CNTNAP2: variants seen among roughly 807,000 people sequenced by gnomAD.
The protein encoded by CNTNAP2 is contactin associated protein 2, also known as contactin-associated protein-like 2.
CNTNAP2 carries 98 observed loss-of-function variants against 155.2 expected under a neutral mutation model. The observed-to-expected ratio is 0.63, with a 90% CI of 0.54 to 0.75. CNTNAP2 has a LOEUF of 0.75. CNTNAP2 is among the 30% of genes least tolerant of loss of function. CNTNAP2 has a pLI of 0.00. For missense variants in CNTNAP2, 1,727 were observed against 1,688.1 expected (o/e 1.02, Z -0.40); for synonymous variants, 651 against 631.2 (o/e 1.03, Z -0.47).
intron 8 of CNTNAP2, among the ~76,000 whole-genome samples, chr7:147,225,742 A>AAGGAAG (rs1803506854): frequency 9.6e-6 from 1 of 103,788 alleles, no homozygotes; most frequent in South Asian, 4.0e-4. Flanking sequence ...TAGGAAGGAA[A>AAGGAAG]GAAGGAAGGA....
At chr7:146,397,924 A>AGT (rs1795656005) in intron 1 of CNTNAP2, among the ~76,000 whole-genome samples, 1 of 145,880 alleles carries the variant, frequency 6.9e-6, no homozygotes, top group Non-Finnish European at 1.5e-5. Flanking sequence ...TACAGGCTGG[A>AGT]GTGCAGTGGT....
chr7:147,399,769 G>A (rs2116464078), intron 10 of CNTNAP2, among the ~76,000 whole-genome samples: 1 of 152,230 alleles, frequency 6.6e-6, no homozygotes, highest in African/African-American at 2.4e-5. Context: ...AATCCCTTTT[G>A]TTTAACTCTT....
Position 146,627,485 on chromosome 7 carries a change from T to C in CNTNAP2, c.98-146786T>C, listed in dbSNP as rs528965406. Among the ~76,000 whole-genome samples, 7 of 152,210 alleles carry C rather than the reference T, an allele frequency of 4.6e-5. No homozygotes were observed. The South Asian group carries it at 1.5e-3, about 32-fold the overall frequency. On this transcript the variant is annotated intron_variant, in intron 1 of 23. Coordinates refer to ENST00000361727, the MANE Select transcript of CNTNAP2 (RefSeq NM_014141.6). ...GTCAGCATTAAAAGAATGAGTAAAA[T>C]CCCAAATCAAAGTTTAGAATATACT...
intron 1 of CNTNAP2, among the ~76,000 whole-genome samples, chr7:146,644,075 G>T (rs1272023067): frequency 6.6e-6 from 1 of 152,154 alleles, no homozygotes; most frequent in Non-Finnish European, 1.5e-5. Context: ...AAACAATGGG[G>T]TTTTCTAGAT....
At chr7:146,564,621 A>G (rs1798329742) in intron 1 of CNTNAP2, among the ~76,000 whole-genome samples, 1 of 149,508 alleles carries the variant, frequency 6.7e-6, no homozygotes, top group Non-Finnish European at 1.5e-5. Context: ...CATATTATTT[A>G]AAAATTAAAA....
At chr7:147,891,942 A>G (rs563940208) in intron 13 of CNTNAP2, among the ~76,000 whole-genome samples, 41 of 152,324 alleles carry the variant, frequency 2.7e-4, no homozygotes, top group African/African-American at 8.4e-4. Context: ...AAACCCAACC[A>G]TATGTATGAA....
chr7:146,934,470 G>C (rs916299675), intron 3 of CNTNAP2, among the ~76,000 whole-genome samples: 2 of 132,252 alleles, frequency 1.5e-5, no homozygotes, highest in Non-Finnish European at 3.2e-5. Flanking sequence ...AGGGGGGAGG[G>C]AGAGCAATAG....
intron 1 of CNTNAP2, among the ~76,000 whole-genome samples, chr7:146,628,938 A>T (rs1799465733): frequency 6.6e-6 from 1 of 152,180 alleles, no homozygotes; most frequent in South Asian, 2.1e-4. Context: ...AACTTATTGT[A>T]AAGAAGTAAG....
intron 15 of CNTNAP2, among the ~76,000 whole-genome samples, chr7:148,017,728 T>G (rs1386944609): frequency 1.3e-5 from 2 of 152,192 alleles, no homozygotes; most frequent in African/African-American, 4.8e-5. Context: ...TAACAAGAAA[T>G]GCCCATCTAT....
At chr7:146,928,366 TG>T (rs1446013916) in intron 3 of CNTNAP2, among the ~76,000 whole-genome samples, 1 of 152,196 alleles carries the variant, frequency 6.6e-6, no homozygotes. Flanking sequence ...TATGTTTCCA[TG>T]GCAAAATTTT....
intron 10 of CNTNAP2, among the ~76,000 whole-genome samples, chr7:147,465,612 C>T (rs1798107554): frequency 6.6e-6 from 1 of 152,140 alleles, no homozygotes; most frequent in Non-Finnish European, 1.5e-5. Flanking sequence ...AATGTATCAC[C>T]AATATTTCAG....
At chr7:146,816,820 C>T (rs1363085224) in intron 2 of CNTNAP2, among the ~76,000 whole-genome samples, 2 of 152,180 alleles carry the variant, frequency 1.3e-5, no homozygotes, top group Admixed American at 1.3e-4. Context: ...CTTACCCAAC[C>T]TGTCTATGCT....
At chr7:147,966,560 C>G (rs1801213873) in intron 14 of CNTNAP2, among the ~76,000 whole-genome samples, 1 of 152,072 alleles carries the variant, frequency 6.6e-6, no homozygotes. Flanking sequence ...GGCATGTACC[C>G]TCACATTCCA....
At chr7:146,533,872 A>G (rs1008616716) in intron 1 of CNTNAP2, among the ~76,000 whole-genome samples, 6 of 152,120 alleles carry the variant, frequency 3.9e-5, no homozygotes, top group Admixed American at 3.3e-4. Context: ...ATTTCTTAAC[A>G]ATTATTTATT....
At chr7:147,088,936 G>T (rs1046025130) in intron 4 of CNTNAP2, among the ~76,000 whole-genome samples, 1 of 151,884 alleles carries the variant, frequency 6.6e-6, no homozygotes, top group Non-Finnish European at 1.5e-5. Flanking sequence ...AGAGCAAGAT[G>T]CTGTCTCCAA....
chr7:146,670,224 AGAACATAGCATTAGTTACATACTGCTTG>A, intron 1 of CNTNAP2, among the ~76,000 whole-genome samples: 1 of 152,300 alleles, frequency 6.6e-6, no homozygotes, highest in African/African-American at 2.4e-5. Flanking sequence ...ACATCTGCTA[AGAACATAGCATTAGTTACATACTGCTTG>A]GACCAACCCC....
chr7:146,817,591 C>T (rs985673869), intron 2 of CNTNAP2, among the ~76,000 whole-genome samples: 3 of 152,078 alleles, frequency 2.0e-5, no homozygotes, highest in African/African-American at 7.2e-5. Flanking sequence ...TCCAAAGAGG[C>T]TTCAGGACAC....
intron 1 of CNTNAP2, among the ~76,000 whole-genome samples, chr7:146,184,757 T>C (rs1450290999): frequency 1.3e-5 from 2 of 152,178 alleles, no homozygotes; most frequent in African/African-American, 4.8e-5. Flanking sequence ...ATTTATCCTT[T>C]GTAGTTGAAA....
chr7:146,719,404 G>A (rs1172873546), intron 1 of CNTNAP2, among the ~76,000 whole-genome samples: 4 of 152,186 alleles, frequency 2.6e-5, no homozygotes, highest in African/African-American at 4.8e-5. Context: ...AAGTATAACA[G>A]TAGGAGACAA....
Sources: gnomAD v4.1 joint callset for allele counts (sites outside exome capture counted in the v4.1 genomes callset) on GRCh38, gnomAD v4.1.1 for gene constraint, MANE v1.5 for transcripts, NCBI Gene and HGNC (gene_info 2026-07-23, HGNC 2026-07-21) for gene names.